The following GALNTL6 variants were observed in gnomAD, a reference collection of about 807,000 sequenced individuals.
GALNTL6 encodes polypeptide N-acetylgalactosaminyltransferase-like 6.
In GALNTL6, 46 loss-of-function variants were observed where a neutral mutation model predicts 73.7. The observed-to-expected ratio is 0.62, with a 90% CI of 0.49 to 0.80. The LOEUF (loss-of-function observed/expected upper bound fraction) is 0.80, where lower values mean the gene tolerates loss of function less well. Ranked by LOEUF, GALNTL6 falls within the 30% of genes least tolerant of loss-of-function variation. GALNTL6 has a pLI of 0.00. For synonymous variants in GALNTL6, 259 were observed against 263.7 expected (o/e 0.98, Z 0.17); for missense variants, 604 against 755.0 (o/e 0.80, Z 2.34).
At chr4:172,803,105 G>C (rs1456938914) in intron 5 of GALNTL6, among the ~76,000 whole-genome samples, 1 of 152,192 alleles carries the variant, frequency 6.6e-6, no homozygotes, top group Non-Finnish European at 1.5e-5. Flanking sequence ...TTCTTTCCCA[G>C]TTCATCTGCA....
rs149913984 is a variant in GALNTL6 at position 172,541,093 on chromosome 4, G to T, written c.553+192404G>T. Among the ~76,000 whole-genome samples, 453 of 152,250 alleles carry T rather than the reference G, an allele frequency of 3.0e-3. 2 individuals are homozygous for T. Among genetic ancestry groups the T allele is most frequent in the African/African-American group, 0.01 (419 of 41,526 alleles). On this transcript the variant is annotated intron_variant, in intron 5 of 12. Transcript: ENST00000506823. ...GCCTAAAATATTTTGATGTCCTTCA[G>T]GGTCTACTGTCTGTCTTTTGATGCT...
intron 2 of GALNTL6, among the ~76,000 whole-genome samples, chr4:172,115,145 C>A (rs1732952543): frequency 6.6e-6 from 1 of 152,090 alleles, no homozygotes; most frequent in African/African-American, 2.4e-5. Context: ...CACAAAGTTA[C>A]CACTTTATGT....
intron 5 of GALNTL6, among the ~76,000 whole-genome samples, chr4:172,485,965 C>T (rs2111491782): frequency 6.6e-6 from 1 of 152,220 alleles, no homozygotes; most frequent in East Asian, 1.9e-4. Flanking sequence ...CTATGGATGG[C>T]TCAGCAATGC....
At position 172,457,730 on chromosome 4, in the gene GALNTL6, A is replaced by C. The variant is rs193170116; in HGVS notation, c.553+109041A>C. On this transcript the variant is annotated intron_variant, in intron 5 of 12. Coordinates refer to ENST00000506823, the MANE Select transcript of GALNTL6 (RefSeq NM_001034845.3). ...AAAGCAAGTTATTAGAGTGATACAA[A>C]GTGACTTAGATTCCCACACAATAAT... 2.0e-5 allele frequency among the ~76,000 whole-genome samples: 3 copies of C among 152,332 alleles called. No individual in the cohort carries two copies. In the East Asian group the frequency reaches 5.8e-4, roughly 29 times the overall value.
intron 2 of GALNTL6, among the ~76,000 whole-genome samples, chr4:172,027,834 A>T (rs1579071642): frequency 6.6e-6 from 1 of 152,302 alleles, no homozygotes; most frequent in African/African-American, 2.4e-5. Flanking sequence ...TGCTAATATG[A>T]AGAAAGTTTT....
intron 2 of GALNTL6, among the ~76,000 whole-genome samples, chr4:171,922,702 A>G (rs1485852302): frequency 1.3e-5 from 2 of 152,072 alleles, no homozygotes; most frequent in African/African-American, 2.4e-5. Context: ...TTAGACTGGG[A>G]CCATGGAAAC....
intron 2 of GALNTL6, among the ~76,000 whole-genome samples, chr4:172,206,803 C>G (rs28546705): frequency 7.5e-5 from 1 of 13,402 alleles, no homozygotes; most frequent in Non-Finnish European, 2.1e-4. Context: ...TTTTGTTTTT[C>G]TGTTTTTTTT....
chr4:172,204,292 G>A (rs1736042583), intron 2 of GALNTL6, among the ~76,000 whole-genome samples: 1 of 152,090 alleles, frequency 6.6e-6, no homozygotes. Flanking sequence ...TAACTGAAAG[G>A]TAGTTTGCTC....
intron 3 of GALNTL6, among the ~76,000 whole-genome samples, chr4:172,245,871 T>G (rs1737640707): frequency 6.6e-6 from 1 of 152,144 alleles, no homozygotes; most frequent in African/African-American, 2.4e-5. Flanking sequence ...CAATGCCAGT[T>G]TGACTTGATG....
intron 7 of GALNTL6, among the ~76,000 whole-genome samples, chr4:172,836,242 A>G (rs1742905088): frequency 5.9e-5 from 9 of 152,188 alleles, no homozygotes; most frequent in Admixed American, 5.9e-4. Flanking sequence ...AAACACCTGA[A>G]ATGTATGTTA....
At chr4:172,982,130 A>G (rs1055470256) in intron 10 of GALNTL6, among the ~76,000 whole-genome samples, 2 of 152,140 alleles carry the variant, frequency 1.3e-5, no homozygotes. Flanking sequence ...TTGATCCAAG[A>G]ACACAGACAT....
chr4:172,311,607 CT>C lies in GALNTL6; in HGVS notation c.248-6del. On this transcript the variant is annotated splice_polypyrimidine_tract_variant and splice_region_variant and intron_variant, in intron 3 of 12. Transcript: ENST00000506823. ...GATGATAATCTCATTTTGTTTTCTCCTGCTAGGGAAAGGTGAACATGGGAAA... is the reference window on the plus strand; with the variant it reads ...GATGATAATCTCATTTTGTTTTCTCCGCTAGGGAAAGGTGAACATGGGAAA... The C allele has an allele frequency of 1.9e-6, 3 of 1,593,168 alleles. No individual in the cohort carries two copies. Among genetic ancestry groups the C allele is most frequent in the Non-Finnish European group, 2.6e-6 (3 of 1,169,602 alleles).
intron 5 of GALNTL6, among the ~76,000 whole-genome samples, chr4:172,366,256 TTAAC>T (rs1170293530): frequency 3.9e-5 from 6 of 152,204 alleles, no homozygotes; most frequent in Admixed American, 1.3e-4. Flanking sequence ...GAAAAAATGT[TTAAC>T]TAGTTTCCCA....
intron 5 of GALNTL6, among the ~76,000 whole-genome samples, chr4:172,585,224 G>T (rs1346709325): frequency 6.6e-6 from 1 of 151,910 alleles, no homozygotes; most frequent in Non-Finnish European, 1.5e-5. Flanking sequence ...AGTCTTCATT[G>T]TCTCTCCTAC....
At chr4:172,320,958 T>C (rs1463812878) in intron 4 of GALNTL6, among the ~76,000 whole-genome samples, 1 of 152,184 alleles carries the variant, frequency 6.6e-6, no homozygotes, top group African/African-American at 2.4e-5. Context: ...TTTTGGAGGC[T>C]TTATTTACCT....
chr4:172,126,966 C>T (rs982958030), intron 2 of GALNTL6, among the ~76,000 whole-genome samples: 2 of 152,198 alleles, frequency 1.3e-5, no homozygotes, highest in African/African-American at 4.8e-5. Context: ...CACATTTTCA[C>T]GTGCCTCAAG....
chr4:172,393,935 A>T (rs1189703661), intron 5 of GALNTL6, among the ~76,000 whole-genome samples: 4 of 152,206 alleles, frequency 2.6e-5, no homozygotes, highest in African/African-American at 9.6e-5. Context: ...ATAAATTGAT[A>T]AATGGAATAT....
chr4:171,818,441 A>G (rs1175837073), intron 2 of GALNTL6, among the ~76,000 whole-genome samples: 1 of 151,858 alleles, frequency 6.6e-6, no homozygotes, highest in Admixed American at 6.6e-5. Flanking sequence ...ATAATTCAAG[A>G]ATATTTAGAA....
chr4:172,298,695 G>C lies in GALNTL6; in HGVS notation c.248-12919G>C, dbSNP rs551153041. 5.1e-3 allele frequency among the ~76,000 whole-genome samples: 770 copies of C among 152,204 alleles called. 6 individuals are homozygous for C. Among genetic ancestry groups the C allele is most frequent in the Admixed American group, 0.017 (257 of 15,270 alleles). On this transcript the variant is annotated intron_variant, in intron 3 of 12. Transcript: ENST00000506823. The stretch of plus-strand genomic sequence containing the variant: ...TATTGATTTGCATATGTTGAACCAG[G>C]CTTGCATCCCAGGGATGAAGCCCAC...
Sources: gnomAD v4.1 joint callset for allele counts (sites outside exome capture counted in the v4.1 genomes callset) on GRCh38, gnomAD v4.1.1 for gene constraint, MANE v1.5 for transcripts, NCBI Gene and HGNC (gene_info 2026-07-23, HGNC 2026-07-21) for gene names.